Variants in FAM228B observed in about 807,000 individuals in gnomAD.
FAM228B encodes the protein family with sequence similarity 228 member B.
FAM228B carries 38 observed loss-of-function variants against 42.6 expected under a neutral mutation model. That is an observed-to-expected ratio of 0.89 (90% CI 0.69 to 1.17). FAM228B has a LOEUF of 1.17. FAM228B is among the 50% of genes most tolerant of loss of function. FAM228B has a pLI of 0.00. For synonymous variants in FAM228B, 109 were observed against 122.3 expected (o/e 0.89, Z 0.72); for missense variants, 344 against 367.3 (o/e 0.94, Z 0.52).
intron 3 of FAM228B, among the ~76,000 whole-genome samples, chr2:24,114,811 G>A (rs1417227109): frequency 6.6e-6 from 1 of 152,154 alleles, no homozygotes; most frequent in Non-Finnish European, 1.5e-5. Context: ...TATCACCTAG[G>A]AGACCAAGAG....
At chr2:24,082,988 G>A in intron 2 of FAM228B, 1 of 1,614,196 alleles carries the variant, frequency 6.2e-7, no homozygotes, top group Non-Finnish European at 8.5e-7. Context: ...GCCCTTCGGG[G>A]ACAGTGACGT....
In FAM228B at chr2:24,077,354, C is replaced by A. The variant is rs1243586388; in HGVS notation, c.-290+385C>A. On this transcript the variant is annotated intron_variant, in intron 1 of 10. Transcript: ENST00000613899. The surrounding 1 kb of genome is among the most constrained non-coding windows in gnomAD (Gnocchi z 5.5). Reference sequence around the variant, plus strand: ...TCAGGTTGAGCGTCAGCTGATCGGGCCTCAGTAATCCCCGCTGCGACGCCC... The same window carrying A: ...TCAGGTTGAGCGTCAGCTGATCGGGACTCAGTAATCCCCGCTGCGACGCCC... 4.4e-6 allele frequency: 2 copies of A among 459,170 alleles called. No individual in the cohort carries two copies. Among genetic ancestry groups the A allele is most frequent in the East Asian group, 6.9e-5 (2 of 28,920 alleles). The allele number at this position is 459,170 out of a possible 1,614,324, so 28.4% of individuals were successfully genotyped here.
At chr2:24,106,806 A>G (rs1055094052) in intron 3 of FAM228B, among the ~76,000 whole-genome samples, 1 of 152,068 alleles carries the variant, frequency 6.6e-6, no homozygotes, top group African/African-American at 2.4e-5. Context: ...GGGAAAGACC[A>G]TGACTAGCCA....
At chr2:24,145,580 A>G (rs1666874568) in intron 5 of FAM228B, among the ~76,000 whole-genome samples, 1 of 152,196 alleles carries the variant, frequency 6.6e-6, no homozygotes, top group African/African-American at 2.4e-5. Context: ...CAAGGCTCTG[A>G]CACCTCCAAA....
At chr2:24,133,160 A>T (rs781540624) in intron 2 of FAM228B, among the ~76,000 whole-genome samples, 35 of 151,964 alleles carry the variant, frequency 2.3e-4, no homozygotes, top group Middle Eastern at 3.4e-3. Context: ...TTAATAAAAA[A>T]CTGGAAATTC....
intron 2 of FAM228B, among the ~76,000 whole-genome samples, chr2:24,091,629 A>G (rs534350578): frequency 2.0e-4 from 31 of 152,166 alleles, no homozygotes; most frequent in Non-Finnish European, 2.2e-4. Flanking sequence ...AATGGGGAAA[A>G]TAACACTTTT....
chr2:24,136,053 C>CTTTTTT (rs5829917), intron 3 of FAM228B, among the ~76,000 whole-genome samples: 2 of 35,812 alleles, frequency 5.6e-5, no homozygotes, highest in African/African-American at 1.3e-4. Context: ...GATAACCCTT[C>CTTTTTT]TTTTTTTTTT....
At chr2:24,135,500 C>T (rs1026110539) in intron 3 of FAM228B, among the ~76,000 whole-genome samples, 1 of 152,164 alleles carries the variant, frequency 6.6e-6, no homozygotes, top group African/African-American at 2.4e-5. Flanking sequence ...GCAGAACACA[C>T]TGACTAATTA....
chr2:24,162,697 T>TA (rs1158136202), intron 8 of FAM228B, among the ~76,000 whole-genome samples: 6 of 152,138 alleles, frequency 3.9e-5, no homozygotes, highest in Admixed American at 3.3e-4. Flanking sequence ...GATGAATGGA[T>TA]AAACAAGATG....
intron 3 of FAM228B, among the ~76,000 whole-genome samples, chr2:24,110,249 G>A (rs1031480108): frequency 1.3e-5 from 2 of 152,148 alleles, no homozygotes; most frequent in Admixed American, 1.3e-4. Context: ...GTGGATACTA[G>A]GAGGGAAACA....
rs1182858403 is a variant in FAM228B at position 24,080,299 on chromosome 2, G to A, written c.-289-577G>A. ...GAACCTGGGAGGCGGAGGTTGCAGCGAGCCGAGATCAAGCCACTGCACGCC... is the reference window on the plus strand; with the variant it reads ...GAACCTGGGAGGCGGAGGTTGCAGCAAGCCGAGATCAAGCCACTGCACGCC... On this transcript the variant is annotated intron_variant, in intron 1 of 10. Transcript: ENST00000613899. This position sits in a 1 kb window ranked among gnomAD's most constrained non-coding sequence, Gnocchi z 4.7. Among the ~76,000 whole-genome samples, 2 of 151,598 alleles carry A rather than the reference G, an allele frequency of 1.3e-5. No individual in the cohort carries two copies. Among genetic ancestry groups the A allele is most frequent in the Non-Finnish European group, 1.5e-5 (1 of 67,966 alleles).
chr2:24,127,342 C>T (rs1666340167), intron 2 of FAM228B, among the ~76,000 whole-genome samples: 1 of 152,218 alleles, frequency 6.6e-6, no homozygotes, highest in Non-Finnish European at 1.5e-5. Flanking sequence ...ATCCCTTCAT[C>T]AGTGGATGGA....
At chr2:24,097,195 T>C (rs1392641503) in intron 3 of FAM228B, 1 of 152,088 alleles carries the variant, frequency 6.6e-6, no homozygotes, top group Non-Finnish European at 1.5e-5. Flanking sequence ...AGACCATCGA[T>C]GCTATGAAGA....
At chr2:24,138,229 A>G in intron 4 of FAM228B, 129 bp downstream of exon 4, 2 of 653,492 alleles carry the variant, frequency 3.1e-6, no homozygotes, top group Non-Finnish European at 5.1e-6. Flanking sequence ...CTGTTACATA[A>G]TAGCATAAAG....
chr2:24,137,859 CAAGA>C, intron 3 of FAM228B, 46 bp from the exon 4 acceptor site: 1 of 1,358,386 alleles, frequency 7.4e-7, no homozygotes, highest in Non-Finnish European at 9.8e-7. Context: ...AATTTTAGAA[CAAGA>C]AAGCTTTAGG....
chr2:24,131,291 G>C (rs556068761), intron 2 of FAM228B, among the ~76,000 whole-genome samples: 39 of 152,128 alleles, frequency 2.6e-4, no homozygotes, highest in African/African-American at 9.1e-4. Context: ...TTTTTGCTTA[G>C]GATTGTCTGG....
intron 5 of FAM228B, among the ~76,000 whole-genome samples, chr2:24,144,677 G>A (rs1666851234): frequency 6.6e-6 from 1 of 152,126 alleles, no homozygotes; most frequent in South Asian, 2.1e-4. Flanking sequence ...CAGCAACCTT[G>A]CTGACCTCAG....
chr2:24,116,510 T>A (rs1201878372), intron 3 of FAM228B, among the ~76,000 whole-genome samples: 1 of 152,090 alleles, frequency 6.6e-6, no homozygotes, highest in Admixed American at 6.6e-5. Context: ...TTTTTTTTTA[T>A]ACAGAGTCTT....
chr2:24,085,514 C>T (rs1316108382), intron 2 of FAM228B: 2 of 152,198 alleles, frequency 1.3e-5, no homozygotes, highest in Admixed American at 6.5e-5. Flanking sequence ...TAGTAAGAAC[C>T]TCCCATCCTT....
Sources: allele counts gnomAD v4.1 joint callset (sites outside exome capture counted in the v4.1 genomes callset), GRCh38; gene constraint gnomAD v4.1.1; non-coding constraint Gnocchi (gnomAD v3.1); transcripts MANE v1.5; gene names NCBI Gene and HGNC (gene_info 2026-07-23, HGNC 2026-07-21).